Variants in CDH13 observed in about 807,000 individuals in gnomAD.
CDH13 encodes cadherin 13.
In CDH13, 24 loss-of-function variants were observed where a neutral mutation model predicts 63.8. The ratio of observed to expected loss-of-function variants is 0.38; its 90% CI spans 0.27 to 0.53. The LOEUF (loss-of-function observed/expected upper bound fraction) is 0.53. CDH13 is among the 20% of genes least tolerant of loss of function. The pLI, the probability that CDH13 is intolerant of heterozygous loss-of-function variation, is 0.85. For missense variants in CDH13, 1,049 were observed against 903.1 expected (o/e 1.16, Z -2.07); for synonymous variants, 503 against 355.3 (o/e 1.42, Z -4.67).
chr16:82,645,473 T>C (rs1207622874), intron 1 of CDH13, among the ~76,000 whole-genome samples: 1 of 151,996 alleles, frequency 6.6e-6, no homozygotes, highest in African/African-American at 2.4e-5. Flanking sequence ...GACATGCTTG[T>C]TTTTCACAAC....
At chr16:83,382,509 C>T (rs1313137450) in intron 6 of CDH13, among the ~76,000 whole-genome samples, 2 of 152,074 alleles carry the variant, frequency 1.3e-5, no homozygotes, top group African/African-American at 4.8e-5. Context: ...TGTGATGTCC[C>T]TTCAACCCTC....
chr16:83,208,103 C>T (rs1326396570), intron 4 of CDH13, among the ~76,000 whole-genome samples: 2 of 152,080 alleles, frequency 1.3e-5, no homozygotes, highest in Admixed American at 6.6e-5. Flanking sequence ...ACACAGACAG[C>T]CCTAGGTGGC....
chr16:83,743,754 T>TTTTTC (rs1174809513), intron 10 of CDH13, among the ~76,000 whole-genome samples: 1 of 124,010 alleles, frequency 8.1e-6, no homozygotes, highest in African/African-American at 3.4e-5. Context: ...TTTTCTTTTT[T>TTTTTC]TTTTTTTTTT....
intron 1 of CDH13, among the ~76,000 whole-genome samples, chr16:82,790,115 T>A (rs1044697185): frequency 3.3e-5 from 5 of 152,036 alleles, no homozygotes; most frequent in Non-Finnish European, 5.9e-5. Flanking sequence ...ACACCCCCCC[T>A]CGCAACACAC....
At chr16:83,537,994 A>T (rs2075226828) in intron 7 of CDH13, among the ~76,000 whole-genome samples, 1 of 152,180 alleles carries the variant, frequency 6.6e-6, no homozygotes, top group Admixed American at 6.5e-5. Flanking sequence ...ATAAATGTTG[A>T]TGTTACCGTG....
chr16:83,026,415 A>G (rs1167661390), intron 2 of CDH13, among the ~76,000 whole-genome samples: 1 of 152,164 alleles, frequency 6.6e-6, no homozygotes, highest in Non-Finnish European at 1.5e-5. Flanking sequence ...AAAATATAAT[A>G]TGATGCTTAT....
At chr16:82,654,719 T>C (rs969335401) in intron 1 of CDH13, among the ~76,000 whole-genome samples, 1 of 145,388 alleles carries the variant, frequency 6.9e-6, no homozygotes, top group African/African-American at 2.6e-5. Context: ...AAAGGAACCA[T>C]GGATTTAAAT....
At chr16:82,633,446 G>T (rs984944136) in intron 1 of CDH13, among the ~76,000 whole-genome samples, 6 of 152,206 alleles carry the variant, frequency 3.9e-5, no homozygotes, top group African/African-American at 1.4e-4. Context: ...GTGGCGCGAT[G>T]TCGGCTCACT....
In CDH13 at chr16:83,795,358, C is replaced by G; in HGVS notation, c.*328C>G. The G allele has an allele frequency of 2.9e-6, 1 of 339,192 alleles. No individual in the cohort carries two copies. The highest frequency in any genetic ancestry group is 5.5e-6 in the Non-Finnish European group (1 of 183,190). The allele number at this position is 339,192 out of a possible 1,614,324, so 21.0% of individuals were successfully genotyped here. A position where few individuals can be genotyped will look rare whatever the true frequency, so the allele number is the denominator to read the frequency against. On this transcript the variant is annotated 3_prime_UTR_variant, in exon 14 of 14. Coordinates refer to ENST00000567109, the MANE Select transcript of CDH13 (RefSeq NM_001257.5). ...GTCGCTAGCCAGTGCTCCAGGCACC[C>G]AGCTTTGTCTGTGGGTTAGTATTGG...
At chr16:82,927,711 C>G (rs1162749119) in intron 2 of CDH13, among the ~76,000 whole-genome samples, 3 of 152,182 alleles carry the variant, frequency 2.0e-5, no homozygotes, top group African/African-American at 7.2e-5. Context: ...CAGCTTATGA[C>G]TTTGGTCGTG....
chr16:83,058,982 C>G (rs528254580), intron 3 of CDH13, among the ~76,000 whole-genome samples: 1 of 152,078 alleles, frequency 6.6e-6, no homozygotes, highest in Non-Finnish European at 1.5e-5. Context: ...ATGGATGTCC[C>G]GGTTTTACTG....
intron 2 of CDH13, among the ~76,000 whole-genome samples, chr16:82,910,047 C>T (rs1303175006): frequency 6.6e-6 from 1 of 152,172 alleles, no homozygotes; most frequent in Non-Finnish European, 1.5e-5. Context: ...GCATGCGACC[C>T]TTCTCAGCCA....
chr16:82,684,748 C>T lies in CDH13; in HGVS notation c.45+57611C>T, dbSNP rs146227549. On this transcript the variant is annotated intron_variant, in intron 1 of 13. Transcript: ENST00000567109. ...ATAAACAGGTCAGGTACAGAAAGCACGGCATTTGAGAATTATCCTCTGCAA... is the reference window on the plus strand; with the variant it reads ...ATAAACAGGTCAGGTACAGAAAGCATGGCATTTGAGAATTATCCTCTGCAA... Among the ~76,000 whole-genome samples the T allele has an allele frequency of 2.6e-4, 39 of 152,224 alleles. No individual in the cohort carries two copies. In the East Asian group the frequency reaches 5.2e-3, roughly 20 times the overall value.
intron 1 of CDH13, among the ~76,000 whole-genome samples, chr16:82,841,865 C>G (rs1268767365): frequency 6.6e-6 from 1 of 151,928 alleles, no homozygotes; most frequent in African/African-American, 2.4e-5. Context: ...GTACACAGCT[C>G]TTCACAACTC....
At chr16:82,955,817 CA>C (rs1906002334) in intron 2 of CDH13, among the ~76,000 whole-genome samples, 1 of 152,176 alleles carries the variant, frequency 6.6e-6, no homozygotes, top group Admixed American at 6.5e-5. Flanking sequence ...TCTAAAATGT[CA>C]CACAAGAAAG....
At chr16:83,340,881 T>A (rs766981039) in intron 5 of CDH13, among the ~76,000 whole-genome samples, 33 of 152,208 alleles carry the variant, frequency 2.2e-4, no homozygotes, top group Non-Finnish European at 4.0e-4. Context: ...AGTGGACTTT[T>A]TTTTTAATAT....
chr16:83,489,150 ATATTT>A (rs1388622658), intron 7 of CDH13, among the ~76,000 whole-genome samples: 1 of 152,198 alleles, frequency 6.6e-6, no homozygotes, highest in Non-Finnish European at 1.5e-5. Context: ...CTGAGAGAAA[ATATTT>A]TATAAGTCTC....
intron 1 of CDH13, among the ~76,000 whole-genome samples, chr16:82,791,424 C>T (rs958422041): frequency 2.6e-5 from 4 of 152,176 alleles, no homozygotes; most frequent in Admixed American, 1.3e-4. Flanking sequence ...CCTGAGAACA[C>T]AGGGGGAGCG....
intron 1 of CDH13, among the ~76,000 whole-genome samples, chr16:82,642,023 A>G (rs1909464511): frequency 6.7e-6 from 1 of 148,480 alleles, no homozygotes; most frequent in Non-Finnish European, 1.5e-5. Flanking sequence ...CAGTTCTTCC[A>G]TTCACCAACT....
Sources: allele counts gnomAD v4.1 joint callset (sites outside exome capture counted in the v4.1 genomes callset), GRCh38; gene constraint gnomAD v4.1.1; transcripts MANE v1.5; gene names NCBI Gene and HGNC (gene_info 2026-07-23, HGNC 2026-07-21).